The following MILR1 variants were observed in gnomAD, a reference collection of about 807,000 sequenced individuals.
MILR1 encodes the protein mast cell immunoglobulin like receptor 1.
Under a neutral mutation model 18.5 loss-of-function variants are expected in MILR1, and 31 were observed. That is an observed-to-expected ratio of 1.68 (90% CI 1.26 to 2.26). MILR1 has a LOEUF of 2.26. Ranked by LOEUF, MILR1 falls within the 30% of genes most tolerant of loss-of-function variation. The probability of loss-of-function intolerance (pLI) is 0.00; values close to 1 mark genes in which losing one functional copy is unlikely to be tolerated. For missense variants in MILR1, 257 were observed against 157.4 expected (o/e 1.63, Z -3.38); for synonymous variants, 85 against 56.2 (o/e 1.51, Z -2.30).
intron 3 of MILR1, among the ~76,000 whole-genome samples, chr17:64,456,314 TTA>T (rs149164161): frequency 6.6e-6 from 1 of 151,160 alleles, no homozygotes; most frequent in African/African-American, 2.4e-5. Flanking sequence ...TATTAATGCA[TTA>T]TATATATATA....
At chr17:64,480,356 T>C in the MILR1 span, 1 of 1,595,966 alleles carries the variant, frequency 6.3e-7, no homozygotes, top group Non-Finnish European at 8.6e-7. Flanking sequence ...GAAATCCCAT[T>C]TTCTAGTAAC....
downstream of MILR1, among the ~76,000 whole-genome samples, chr17:64,472,253 G>A (rs149953229): frequency 6.6e-6 from 1 of 151,904 alleles, no homozygotes; most frequent in South Asian, 2.1e-4. Context: ...GATCACCTGA[G>A]GTTGGGAGTT....
chr17:64,461,698 T>A lies in MILR1; in HGVS notation c.763+766T>A, dbSNP rs1277261377. 4.3e-4 allele frequency among the ~76,000 whole-genome samples: 65 copies of A among 152,246 alleles called. 1 individual carries two copies. Among genetic ancestry groups the A allele is most frequent in the Admixed American group, 4.1e-3 (63 of 15,266 alleles). On this transcript the variant is annotated intron_variant, in intron 5 of 9. Transcript: ENST00000619286. ...ACGTTCCCATTGTCATGCACCCTTC[T>A]CCACCATCCATGTCCAGAACTTTTT...
intron 8 of MILR1, among the ~76,000 whole-genome samples, chr17:64,466,993 G>T: frequency 1.3e-5 from 2 of 148,856 alleles, no homozygotes; most frequent in Admixed American, 6.7e-5. Flanking sequence ...TTCTCTTTCT[G>T]TCTCTCTTTA....
chr17:64,488,208 T>C, the MILR1 span, among the ~76,000 whole-genome samples: 2 of 149,546 alleles, frequency 1.3e-5, no homozygotes, highest in South Asian at 4.3e-4. Flanking sequence ...TATTAAATAA[T>C]TTTAAAAAAA....
At chr17:64,494,448 A>G in the MILR1 span, among the ~76,000 whole-genome samples, 1 of 152,194 alleles carries the variant, frequency 6.6e-6, no homozygotes, top group Admixed American at 6.5e-5. Context: ...TTTAGAATCC[A>G]TTGATGACTG....
intron 8 of MILR1, 78 bp downstream of exon 8, chr17:64,466,740 T>G: frequency 8.0e-7 from 1 of 1,248,956 alleles, no homozygotes. Context: ...TTCAGGGGCT[T>G]CAGGAGCCCG....
chr17:64,491,724 A>G, the MILR1 span: 2 of 861,418 alleles, frequency 2.3e-6, no homozygotes, highest in Admixed American at 3.5e-5. Flanking sequence ...GGCAGGGTAC[A>G]TGCTCTTCAT....
At chr17:64,480,247 C>T in the MILR1 span, 1 of 824,050 alleles carries the variant, frequency 1.2e-6, no homozygotes, top group East Asian at 2.8e-5. Flanking sequence ...TAATCAAAAA[C>T]TCTTGAATAA....
rs1555662993 is a variant in MILR1, at chr17:64,465,561, T to C, written c.853+20T>C. The C allele has an allele frequency of 1.3e-6, 2 of 1,589,762 alleles. No individual in the cohort carries two copies. Among genetic ancestry groups the C allele is most frequent in the Non-Finnish European group, 1.7e-6 (2 of 1,168,010 alleles). On this transcript the variant is annotated intron_variant, in intron 6 of 9. Transcript: ENST00000619286. Reference sequence around the variant, plus strand: ...AAGCAAGTAAGAGAACTTTGTTGCGTGTTTTGGGTGGTTTCAGGTTTTTGT... The same window carrying C: ...AAGCAAGTAAGAGAACTTTGTTGCGCGTTTTGGGTGGTTTCAGGTTTTTGT...
the MILR1 span, chr17:64,483,848 C>T: frequency 6.6e-6 from 1 of 152,336 alleles, no homozygotes; most frequent in African/African-American, 2.4e-5. Context: ...GTAGCAGGGA[C>T]TACAGGTGCA....
intron 5 of MILR1, among the ~76,000 whole-genome samples, chr17:64,463,008 T>G (rs890144152): frequency 4.6e-5 from 7 of 152,160 alleles, no homozygotes; most frequent in Non-Finnish European, 8.8e-5. Flanking sequence ...AATGTAGAAG[T>G]ATAATCTATT....
chr17:64,495,865 C>T, the MILR1 span, among the ~76,000 whole-genome samples: 4 of 152,090 alleles, frequency 2.6e-5, no homozygotes, highest in Non-Finnish European at 2.9e-5. Flanking sequence ...CTCGCCGTCA[C>T]GGCCGGCTAA....
chr17:64,467,307 T>C (rs1285210891), intron 8 of MILR1, among the ~76,000 whole-genome samples: 2 of 151,444 alleles, frequency 1.3e-5, no homozygotes, highest in African/African-American at 2.4e-5. Flanking sequence ...ACAAGTATCT[T>C]GCTATATTGC....
At chr17:64,496,943 G>A in the MILR1 span, 55 of 1,608,734 alleles carry the variant, frequency 3.4e-5, 2 homozygotes, top group South Asian at 6.0e-4. Context: ...CTTATGGCAG[G>A]CCCTGACGGC....
At chr17:64,488,475 G>A in the MILR1 span, among the ~76,000 whole-genome samples, 1 of 152,096 alleles carries the variant, frequency 6.6e-6, no homozygotes, top group Non-Finnish European at 1.5e-5. Context: ...GGCAGAGGCA[G>A]GAGAACAGCT....
intron 2 of MILR1, among the ~76,000 whole-genome samples, chr17:64,451,031 C>T (rs2037159804): frequency 6.6e-6 from 1 of 152,282 alleles, no homozygotes; most frequent in Non-Finnish European, 1.5e-5. Flanking sequence ...AAGTTGCCCT[C>T]CCAACAAGGC....
chr17:64,472,817 T>G (rs1161222029), downstream of MILR1, among the ~76,000 whole-genome samples: 1 of 152,154 alleles, frequency 6.6e-6, no homozygotes, highest in Non-Finnish European at 1.5e-5. Flanking sequence ...AGGTGAAGCA[T>G]GACTGTATTT....
Position 64,466,491 on chromosome 17 carries a change from C to G in MILR1, c.903C>G (p.Ala301=). 6.2e-7 allele frequency: 1 copy of G among 1,613,802 alleles called. No individual in the cohort carries two copies. Among genetic ancestry groups the G allele is most frequent in the Non-Finnish European group, 8.5e-7 (1 of 1,179,822 alleles). The change falls in exon 7 of 10, where the codon GCC becomes GCG. Residue 301 remains alanine (A), a synonymous_variant. Coordinates refer to ENST00000619286, the MANE Select transcript of MILR1 (RefSeq NM_001085423.2). ...GATCCAGGCCGTGTGTTTCCACAGC[C>G]CAAGATGGTGAGCATGTTCTGCAGA... ...EVGSRPCVST[A]QDEAKHSQEL... is the part of the protein sequence containing the mutation.
Sources: gnomAD v4.1 joint callset for allele counts (sites outside exome capture counted in the v4.1 genomes callset) on GRCh38, gnomAD v4.1.1 for gene constraint, MANE v1.5 for transcripts, NCBI Gene and HGNC (gene_info 2026-07-23, HGNC 2026-07-21) for gene names.